The following ADARB1 variants were observed in gnomAD, a reference collection of about 807,000 sequenced individuals.
ADARB1 encodes the protein adenosine deaminase RNA specific B1.
Under a neutral mutation model 52.4 loss-of-function variants are expected in ADARB1, and 10 were observed. The observed-to-expected ratio is 0.19, with a 90% CI of 0.12 to 0.32. The LOEUF (loss-of-function observed/expected upper bound fraction) is 0.32. Among genes scored for constraint, ADARB1 ranks in the 10% least tolerant of loss-of-function variants. ADARB1 has a pLI of 1.00. For missense variants in ADARB1, 643 were observed against 922.3 expected (o/e 0.70, Z 3.92); for synonymous variants, 349 against 371.1 (o/e 0.94, Z 0.68).
At chr21:45,092,896 T>C (rs1211939942) in intron 1 of ADARB1, among the ~76,000 whole-genome samples, 1 of 107,108 alleles carries the variant, frequency 9.3e-6, no homozygotes, top group Non-Finnish European at 2.6e-5. Flanking sequence ...TTTGTACCTT[T>C]AATTTTTTTT....
chr21:45,083,329 G>A (rs1167728793), intron 1 of ADARB1, among the ~76,000 whole-genome samples: 2 of 152,158 alleles, frequency 1.3e-5, no homozygotes, highest in African/African-American at 2.4e-5. Context: ...ATTGTACTTG[G>A]TGAATCAGTC....
chr21:45,152,508 G>A lies in ADARB1; in HGVS notation c.-47-19102G>A, dbSNP rs934916692. The A allele has an allele frequency of 2.5e-5, 6 of 244,776 alleles. No individual in the cohort carries two copies. In the East Asian group the frequency reaches 4.0e-4, roughly 16 times the overall value. The allele number at this position is 244,776 out of a possible 1,614,324, so 15.2% of individuals were successfully genotyped here. ...CTCGTCGGTAGGGGCTGCTGTTGTC[G>A]CAGCTGCCGGCACACGGAAGTGAGT... is the stretch of plus-strand genomic sequence containing the variant. On this transcript the variant is annotated intron_variant, in intron 2 of 10. Coordinates refer to ENST00000348831, the MANE Select transcript of ADARB1 (RefSeq NM_001112.4).
chr21:45,179,343 A>G (rs2091836135), intron 4 of ADARB1, among the ~76,000 whole-genome samples: 1 of 152,142 alleles, frequency 6.6e-6, no homozygotes, highest in Non-Finnish European at 1.5e-5. Context: ...TATCTTTTCT[A>G]CTCATTTCAG....
Position 45,171,644 on chromosome 21 carries a change from A to G in ADARB1, c.-13A>G, listed in dbSNP as rs774377951. ...GTCTCCGCCAGTCAAGAAACCCTCA[A>G]AAGTATTTTGCCATGGATATAGAAG... On this transcript the variant is annotated 5_prime_UTR_variant, in exon 3 of 11. Coordinates refer to ENST00000348831, the MANE Select transcript of ADARB1 (RefSeq NM_001112.4). 6 of 1,613,808 alleles carry G rather than the reference A, an allele frequency of 3.7e-6. No individual in the cohort carries two copies. Among genetic ancestry groups the G allele is most frequent in the Admixed American group, 1.7e-5 (1 of 59,980 alleles).
At chr21:45,183,024 C>T (rs1412604608) in intron 6 of ADARB1, among the ~76,000 whole-genome samples, 1 of 152,146 alleles carries the variant, frequency 6.6e-6, no homozygotes, top group Non-Finnish European at 1.5e-5. Flanking sequence ...ATAGAAGTTC[C>T]CAAACTGCCA....
intron 1 of ADARB1, among the ~76,000 whole-genome samples, chr21:45,083,416 A>C (rs1373540965): frequency 1.3e-5 from 2 of 152,314 alleles, no homozygotes; most frequent in East Asian, 3.9e-4. Context: ...CATTTATAAA[A>C]CATTCAAAAT....
intron 2 of ADARB1, among the ~76,000 whole-genome samples, chr21:45,136,626 TG>T: frequency 6.6e-6 from 1 of 152,306 alleles, no homozygotes; most frequent in African/African-American, 2.4e-5. Context: ...ACCAGTCCTG[TG>T]GGGACAGCTG....
At chr21:45,216,728 A>T (rs1460308970) in intron 9 of ADARB1, among the ~76,000 whole-genome samples, 2 of 151,974 alleles carry the variant, frequency 1.3e-5, no homozygotes, top group Non-Finnish European at 2.9e-5. Flanking sequence ...AAGTTGTTTG[A>T]TTATACTATT....
chr21:45,104,466 G>A (rs2087161750), intron 1 of ADARB1, among the ~76,000 whole-genome samples: 1 of 152,146 alleles, frequency 6.6e-6, no homozygotes, highest in Non-Finnish European at 1.5e-5. Flanking sequence ...GAGACACAGT[G>A]GGGGTCAGGG....
rs534340011 is a variant in ADARB1, at chr21:45,204,507, G to A, written c.1566-48G>A. On this transcript the variant is annotated intron_variant, in intron 8 of 10. Transcript: ENST00000348831. This position sits in a 1 kb window ranked among gnomAD's most constrained non-coding sequence, Gnocchi z 4.4. ...ACGCAGGCTTGGGCTGGGCTGCGTC[G>A]ACACTGAGTCCGAGCTCCCTGAAGA... The A allele has an allele frequency of 4.1e-5, 65 of 1,588,338 alleles. No homozygotes were observed. The highest frequency in any genetic ancestry group is 3.6e-4 in the Middle Eastern group (2 of 5,552).
At chr21:45,102,856 A>G (rs540419078) in intron 1 of ADARB1, among the ~76,000 whole-genome samples, 2 of 152,182 alleles carry the variant, frequency 1.3e-5, no homozygotes, top group Non-Finnish European at 2.9e-5. Context: ...ACCCCAAGGC[A>G]AGGGCTGTGC....
chr21:45,203,266 G>A (rs1433875997), intron 8 of ADARB1, among the ~76,000 whole-genome samples: 8 of 152,100 alleles, frequency 5.3e-5, no homozygotes, highest in Non-Finnish European at 1.2e-4. Flanking sequence ...TGGGACATGC[G>A]TTCCTCCCTC....
rs2092995779 is a variant in ADARB1, at chr21:45,223,192, C to T, written c.*995C>T. The T allele has an allele frequency of 3.0e-6, 3 of 985,356 alleles. No homozygotes were observed. The highest frequency in any genetic ancestry group is 3.6e-6 in the Non-Finnish European group (3 of 829,854). The allele number at this position is 985,356 out of a possible 1,614,324, so 61.0% of individuals were successfully genotyped here. The stretch of plus-strand genomic sequence containing the variant: ...TCACAGGATGGAAGTAGAATGATTT[C>T]AGTAGATACTCATTCTTGGAAAATG... On this transcript the variant is annotated 3_prime_UTR_variant, in exon 11 of 11. Transcript: ENST00000348831.
chr21:45,210,312 T>C (rs545268934), intron 9 of ADARB1, among the ~76,000 whole-genome samples: 1 of 152,348 alleles, frequency 6.6e-6, no homozygotes, highest in South Asian at 2.1e-4. Flanking sequence ...GACACTGTTG[T>C]TACGGACACG....
At chr21:45,156,936 A>G (rs1390341568) in intron 2 of ADARB1, among the ~76,000 whole-genome samples, 1 of 152,182 alleles carries the variant, frequency 6.6e-6, no homozygotes, top group African/African-American at 2.4e-5. Flanking sequence ...GATATTCTCC[A>G]GTATCTGGTG....
intron 9 of ADARB1, among the ~76,000 whole-genome samples, chr21:45,214,162 C>A (rs148263081): frequency 3.1e-4 from 47 of 152,302 alleles, no homozygotes; most frequent in African/African-American, 1.1e-3. Context: ...CTTTCACATG[C>A]TGATTTGCCA....
At chr21:45,187,432 T>C (rs558540338) in intron 8 of ADARB1, among the ~76,000 whole-genome samples, 1 of 152,356 alleles carries the variant, frequency 6.6e-6, no homozygotes, top group African/African-American at 2.4e-5. Flanking sequence ...GTTTTCTACA[T>C]ATAAAATTAT....
chr21:45,218,483 G>C (rs541973476), intron 9 of ADARB1, among the ~76,000 whole-genome samples: 105 of 152,270 alleles, frequency 6.9e-4, no homozygotes, highest in Non-Finnish European at 1.2e-3. Flanking sequence ...CCTTGATTGA[G>C]TAACATGCCT....
chr21:45,154,221 A>G (rs190659372), intron 2 of ADARB1, among the ~76,000 whole-genome samples: 151 of 152,384 alleles, frequency 9.9e-4, no homozygotes, highest in African/African-American at 3.6e-3. Context: ...TATAAGATGT[A>G]ACAATGAGGC....
Sources: gnomAD v4.1 joint callset for allele counts (sites outside exome capture counted in the v4.1 genomes callset) on GRCh38, gnomAD v4.1.1 for gene constraint, Gnocchi (gnomAD v3.1) non-coding constraint, MANE v1.5 for transcripts, NCBI Gene and HGNC (gene_info 2026-07-23, HGNC 2026-07-21) for gene names.